Variants in HMG20A observed in about 807,000 individuals in gnomAD.
The protein encoded by HMG20A is high mobility group 20A.
HMG20A carries 17 observed loss-of-function variants against 43.9 expected under a neutral mutation model. The observed-to-expected ratio is 0.39, with a 90% CI of 0.27 to 0.58. The LOEUF (loss-of-function observed/expected upper bound fraction) is 0.58. HMG20A is among the 20% of genes least tolerant of loss of function. The pLI, the probability that HMG20A is intolerant of heterozygous loss-of-function variation, is 0.59. For synonymous variants in HMG20A, 132 were observed against 147.5 expected (o/e 0.89, Z 0.76); for missense variants, 341 against 438.2 (o/e 0.78, Z 1.98).
At chr15:77,502,708 C>G in the HMG20A span, among the ~76,000 whole-genome samples, 1 of 152,166 alleles carries the variant, frequency 6.6e-6, no homozygotes, top group East Asian at 1.9e-4. Flanking sequence ...TGGCTTATAC[C>G]TGTAATCCCA....
chr15:77,455,627 A>G (rs1595922034), intron 1 of HMG20A, among the ~76,000 whole-genome samples: 1 of 152,266 alleles, frequency 6.6e-6, no homozygotes, highest in East Asian at 1.9e-4. Context: ...TGCAGTGAAG[A>G]GCCAAACTTG....
intron 8 of HMG20A, among the ~76,000 whole-genome samples, 158 bp from the exon 9 acceptor site, chr15:77,479,021 G>A (rs1363318065): frequency 6.6e-6 from 1 of 152,114 alleles, no homozygotes; most frequent in Non-Finnish European, 1.5e-5. Flanking sequence ...AGAGTATGTG[G>A]ACTAATTTCA....
the HMG20A span, among the ~76,000 whole-genome samples, chr15:77,490,939 A>T: frequency 4.6e-5 from 7 of 152,220 alleles, no homozygotes; most frequent in Non-Finnish European, 7.3e-5. Flanking sequence ...CATTCCTTCT[A>T]TCCTCAGCGC....
At chr15:77,516,985 A>G in the HMG20A span, among the ~76,000 whole-genome samples, 2 of 152,132 alleles carry the variant, frequency 1.3e-5, no homozygotes, top group Non-Finnish European at 2.9e-5. Flanking sequence ...TGGTGGCCTC[A>G]CCGTCCCGCA....
At chr15:77,448,506 T>C (rs1203383365) in intron 1 of HMG20A, among the ~76,000 whole-genome samples, 1 of 152,222 alleles carries the variant, frequency 6.6e-6, no homozygotes, top group African/African-American at 2.4e-5. Flanking sequence ...GTATATAAAA[T>C]TGCAGACACC....
chr15:77,470,583 A>G (rs193066672), intron 4 of HMG20A, among the ~76,000 whole-genome samples: 286 of 152,324 alleles, frequency 1.9e-3, no homozygotes, highest in Non-Finnish European at 2.7e-3. Flanking sequence ...GTGGCCATAT[A>G]GAGTTCTATC....
chr15:77,476,771 C>T (rs955832393), intron 6 of HMG20A, among the ~76,000 whole-genome samples: 3 of 152,130 alleles, frequency 2.0e-5, no homozygotes, highest in African/African-American at 4.8e-5. Flanking sequence ...TTAGAAACGA[C>T]AGCCAAAGCA....
chr15:77,484,904 C>T lies in HMG20A; in HGVS notation c.*1941C>T, dbSNP rs1332122668. 1.4e-4 allele frequency: 21 copies of T among 152,150 alleles called. 1 individual carries two copies. The allele number at this position is 152,150 out of a possible 1,614,324, so 9.4% of individuals were successfully genotyped here. A position where few individuals can be genotyped will look rare whatever the true frequency, so the allele number is the denominator to read the frequency against. The stretch of plus-strand genomic sequence containing the variant: ...AGATGCTTTGTGTCCTGTCTTCCTT[C>T]CTCCTCATATTTCTGTTTCTCATTT... On this transcript the variant is annotated 3_prime_UTR_variant, in exon 10 of 10. Coordinates refer to ENST00000336216, the MANE Select transcript of HMG20A (RefSeq NM_001304504.2).
chr15:77,505,915 C>CTT, the HMG20A span, among the ~76,000 whole-genome samples: 1 of 152,156 alleles, frequency 6.6e-6, no homozygotes, highest in South Asian at 2.1e-4. Flanking sequence ...CAAAATGCAA[C>CTT]CATTCCATCT....
the HMG20A span, among the ~76,000 whole-genome samples, chr15:77,504,188 T>C: frequency 6.6e-6 from 1 of 152,168 alleles, no homozygotes; most frequent in Non-Finnish European, 1.5e-5. Flanking sequence ...GGGAGCCCTG[T>C]GGGAACAAGA....
chr15:77,478,316 A>T lies in HMG20A; in HGVS notation c.713A>T (p.Gln238Leu). 1 of 1,613,556 alleles carries T rather than the reference A, an allele frequency of 6.2e-7. No individual in the cohort carries two copies. Among genetic ancestry groups the T allele is most frequent in the East Asian group, 2.2e-5 (1 of 44,888 alleles). ...HSKAREAELR[Q>L]LRKSNMEFEE... ...TCAGCTCGGGAAGCAGAGCTCCGCC[A>T]GCTTCGCAAATCCAACATGGAGTTT... Residue 238 changes from glutamine to leucine, a missense_variant, in exon 8 of 10, where the codon CAG becomes CTG. By Grantham distance (113) the Gln-to-Leu change is moderately radical (BLOSUM62 -2). This residue lies in a region of HMG20A where 118 missense variants were observed against 154.5 expected (regional missense o/e 0.76). Transcript: ENST00000336216.
intron 2 of HMG20A, among the ~76,000 whole-genome samples, chr15:77,463,790 A>G (rs1010738594): frequency 4.6e-5 from 7 of 152,246 alleles, no homozygotes; most frequent in African/African-American, 1.7e-4. Flanking sequence ...TGTACCGTTA[A>G]GAGATTTTTC....
chr15:77,501,807 C>G, the HMG20A span, among the ~76,000 whole-genome samples: 1 of 152,192 alleles, frequency 6.6e-6, no homozygotes, highest in Non-Finnish European at 1.5e-5. Flanking sequence ...TGTTGGGAGC[C>G]ACTCTCTAGG....
the HMG20A span, among the ~76,000 whole-genome samples, chr15:77,512,717 A>G: frequency 4.6e-5 from 7 of 152,108 alleles, no homozygotes; most frequent in African/African-American, 1.7e-4. Flanking sequence ...CCTACTGGGT[A>G]AATTTTTGAT....
chr15:77,438,217 G>A (rs971830568), intron 1 of HMG20A, among the ~76,000 whole-genome samples: 15 of 145,424 alleles, frequency 1.0e-4, no homozygotes, highest in African/African-American at 3.1e-4. Context: ...GGGCTCAAGC[G>A]ATCCTCCCAC....
At chr15:77,491,920 G>A in the HMG20A span, among the ~76,000 whole-genome samples, 2 of 152,230 alleles carry the variant, frequency 1.3e-5, 1 homozygote, top group Non-Finnish European at 2.9e-5. Context: ...TGAATGTCAA[G>A]CCAAGGGTTT....
the HMG20A span, among the ~76,000 whole-genome samples, chr15:77,505,585 C>T: frequency 0.23 from 34,260 of 152,226 alleles, 4,219 homozygotes; most frequent in Middle Eastern, 0.28. Context: ...CCTGCTTCTC[C>T]GCATGTTCAA....
chr15:77,492,022 T>A, the HMG20A span, among the ~76,000 whole-genome samples: 1 of 152,188 alleles, frequency 6.6e-6, no homozygotes, highest in Admixed American at 6.5e-5. Flanking sequence ...TCTCAACCAT[T>A]TTTCTGCCAC....
intron 1 of HMG20A, among the ~76,000 whole-genome samples, chr15:77,438,515 G>T (rs1304290403): frequency 6.6e-6 from 1 of 151,912 alleles, no homozygotes; most frequent in Admixed American, 6.6e-5. Context: ...TGTTTTATAG[G>T]TTATACACAT....
Sources: gnomAD v4.1 joint callset for allele counts (sites outside exome capture counted in the v4.1 genomes callset) on GRCh38, gnomAD v4.1.1 for gene constraint, gnomAD v4.1.1 regional missense constraint, MANE v1.5 for transcripts, NCBI Gene and HGNC (gene_info 2026-07-23, HGNC 2026-07-21) for gene names.